FAF1: variants seen among roughly 807,000 people sequenced by gnomAD.
FAF1 encodes Fas associated factor 1.
FAF1 carries 25 observed loss-of-function variants against 92.5 expected under a neutral mutation model. That is an observed-to-expected ratio of 0.27 (90% CI 0.20 to 0.38). The LOEUF is 0.38. Ranked by LOEUF, FAF1 falls within the 10% of genes least tolerant of loss-of-function variation. FAF1 has a pLI of 1.00. For synonymous variants in FAF1, 234 were observed against 273.2 expected, an observed-to-expected ratio of 0.86 and a Z score of 1.42; for missense variants, 636 against 793.3, an observed-to-expected ratio of 0.80 and a Z score of 2.38.
rs185612463 is a variant in FAF1 at position 50,597,249 on chromosome 1, G to C, written c.745-1033C>G. On this transcript the variant is annotated intron_variant, in intron 8 of 18. Transcript: ENST00000396153. Reference sequence around the variant, plus strand: ...ATGGACTCTAGAAAACATGACTTTAGCAGAAACACCTTCCTCACCTAGACT... The same window carrying C: ...ATGGACTCTAGAAAACATGACTTTACCAGAAACACCTTCCTCACCTAGACT... Among the ~76,000 whole-genome samples the C allele has an allele frequency of 4.3e-4, 65 of 152,306 alleles. 1 individual carries two copies. Among genetic ancestry groups the C allele is most frequent in the Non-Finnish European group, 7.6e-4 (52 of 68,026 alleles).
At chr1:50,714,714 C>T (rs920429065) in intron 6 of FAF1, among the ~76,000 whole-genome samples, 8 of 152,198 alleles carry the variant, frequency 5.3e-5, no homozygotes, top group Non-Finnish European at 7.3e-5. Flanking sequence ...CTTGGGTTAA[C>T]AGCTATGGAC....
intron 4 of FAF1, among the ~76,000 whole-genome samples, chr1:50,779,060 A>C (rs1423292812): frequency 1.3e-5 from 2 of 152,196 alleles, no homozygotes; most frequent in African/African-American, 4.8e-5. Flanking sequence ...ATGTTTATGC[A>C]TAGCGTCTTC....
intron 13 of FAF1, among the ~76,000 whole-genome samples, chr1:50,554,330 C>A (rs1283299337): frequency 6.8e-6 from 1 of 146,988 alleles, no homozygotes; most frequent in African/African-American, 2.5e-5. Context: ...TTGCTATTTA[C>A]CCTGCAGAAT....
chr1:50,596,696 G>A (rs1651838220), intron 8 of FAF1, among the ~76,000 whole-genome samples: 1 of 152,176 alleles, frequency 6.6e-6, no homozygotes, highest in African/African-American at 2.4e-5. Context: ...CCTTATATTT[G>A]AGTAGTTACA....
At chr1:50,955,198 C>A (rs1392042756) in intron 1 of FAF1, among the ~76,000 whole-genome samples, 1 of 152,104 alleles carries the variant, frequency 6.6e-6, no homozygotes, top group Non-Finnish European at 1.5e-5. Context: ...TTAAAGAATT[C>A]TACAATTACA....
intron 3 of FAF1, among the ~76,000 whole-genome samples, chr1:50,788,949 A>C (rs912457536): frequency 4.6e-5 from 7 of 152,266 alleles, no homozygotes; most frequent in African/African-American, 1.4e-4. Context: ...AATCCACCCC[A>C]GCCTCCCAAG....
intron 1 of FAF1, among the ~76,000 whole-genome samples, chr1:50,879,479 A>G (rs1474923058): frequency 6.6e-6 from 1 of 152,230 alleles, no homozygotes; most frequent in Admixed American, 6.5e-5. Flanking sequence ...GCTATAATAT[A>G]TGTTAAAAAC....
intron 6 of FAF1, among the ~76,000 whole-genome samples, chr1:50,729,052 ATATATATT>A (rs1309422074): frequency 1.0e-5 from 1 of 97,920 alleles, no homozygotes; most frequent in East Asian, 2.1e-4. Flanking sequence ...ATATATATAT[ATATATATT>A]TTTTTTTTTT....
At chr1:50,471,949 T>G (rs1394228968) in intron 18 of FAF1, among the ~76,000 whole-genome samples, 1 of 150,480 alleles carries the variant, frequency 6.6e-6, no homozygotes, top group East Asian at 2.0e-4. Flanking sequence ...TAAAATAGGA[T>G]TGGAAAAAAG....
chr1:50,692,519 T>G (rs1378349182), intron 7 of FAF1, among the ~76,000 whole-genome samples: 1 of 152,140 alleles, frequency 6.6e-6, no homozygotes, highest in Middle Eastern at 3.2e-3. Flanking sequence ...AGTTTGACTT[T>G]TCTAGAATCC....
chr1:50,587,333 C>T (rs1651283580), intron 9 of FAF1, among the ~76,000 whole-genome samples: 1 of 152,152 alleles, frequency 6.6e-6, no homozygotes. Flanking sequence ...ACCACAACAT[C>T]TTCAAAGGGA....
At chr1:50,562,393 C>T (rs989748270) in intron 13 of FAF1, among the ~76,000 whole-genome samples, 9 of 152,050 alleles carry the variant, frequency 5.9e-5, no homozygotes, top group Non-Finnish European at 8.8e-5. Flanking sequence ...CCCTCTATTC[C>T]TTCTCTCCTC....
At chr1:50,618,501 G>C (rs1265875857) in intron 8 of FAF1, among the ~76,000 whole-genome samples, 1 of 144,434 alleles carries the variant, frequency 6.9e-6, no homozygotes, top group African/African-American at 2.6e-5. Flanking sequence ...GACCTCAGGT[G>C]ATCAGGCTGC....
At chr1:50,673,516 A>G (rs546491922) in intron 7 of FAF1, among the ~76,000 whole-genome samples, 71 of 152,316 alleles carry the variant, frequency 4.7e-4, no homozygotes, top group Admixed American at 2.6e-3. Context: ...TATTCACTCT[A>G]TAGTATGCTC....
chr1:50,659,286 A>C (rs1655268074), intron 7 of FAF1, among the ~76,000 whole-genome samples: 1 of 151,876 alleles, frequency 6.6e-6, no homozygotes, highest in Admixed American at 6.6e-5. Flanking sequence ...AAAAGGGAAA[A>C]GGAGGAAAGA....
intron 6 of FAF1, among the ~76,000 whole-genome samples, chr1:50,719,923 T>C (rs1658337308): frequency 6.6e-6 from 1 of 152,226 alleles, no homozygotes; most frequent in African/African-American, 2.4e-5. Flanking sequence ...CATCAGTGCT[T>C]TAATTGAGGA....
intron 1 of FAF1, among the ~76,000 whole-genome samples, chr1:50,885,419 T>C (rs1165756317): frequency 6.6e-6 from 1 of 152,092 alleles, no homozygotes; most frequent in Non-Finnish European, 1.5e-5. Context: ...CTCGCTGAAC[T>C]GAGCCCTTTA....
At chr1:50,588,437 G>T (rs1651344229) in intron 9 of FAF1, among the ~76,000 whole-genome samples, 1 of 152,142 alleles carries the variant, frequency 6.6e-6, no homozygotes, top group Non-Finnish European at 1.5e-5. Context: ...TCTTGCAAAG[G>T]TGTCTGTGCA....
chr1:50,772,674 G>T (rs578214706), intron 4 of FAF1, among the ~76,000 whole-genome samples: 1 of 152,178 alleles, frequency 6.6e-6, no homozygotes, highest in South Asian at 2.1e-4. Context: ...ACAAAGAAAA[G>T]AACAACAGAC....
Sources: gnomAD v4.1 joint callset for allele counts (sites outside exome capture counted in the v4.1 genomes callset) on GRCh38, gnomAD v4.1.1 for gene constraint, MANE v1.5 for transcripts, NCBI Gene and HGNC (gene_info 2026-07-23, HGNC 2026-07-21) for gene names.